The following EDARADD variants were observed in gnomAD, a reference collection of about 807,000 sequenced individuals.
EDARADD encodes ectodysplasin-A receptor-associated adapter protein.
Under a neutral mutation model 25.6 loss-of-function variants are expected in EDARADD, and 20 were observed. The observed-to-expected ratio is 0.78, with a 90% CI of 0.55 to 1.14. EDARADD has a LOEUF of 1.14. Ranked by LOEUF, EDARADD falls within the 50% of genes most tolerant of loss-of-function variation. The pLI is 0.00. For synonymous variants in EDARADD, 86 were observed against 94.4 expected, an observed-to-expected ratio of 0.91 and a Z score of 0.52; for missense variants, 225 against 270.1, an observed-to-expected ratio of 0.83 and a Z score of 1.17.
At position 236,446,493 on chromosome 1, in the gene EDARADD, A is replaced by T. The variant is rs573118936; in HGVS notation, c.219+19043A>T. On this transcript the variant is annotated intron_variant, in intron 4 of 5. Coordinates refer to ENST00000334232, the MANE Select transcript of EDARADD (RefSeq NM_145861.4). Reference sequence around the variant, plus strand: ...CTTGAACGCAGGAGGTGGAGGTTGCAGTGAGCCGAGATCGCACCACTGCAC... The same window carrying T: ...CTTGAACGCAGGAGGTGGAGGTTGCTGTGAGCCGAGATCGCACCACTGCAC... Among the ~76,000 whole-genome samples the T allele has an allele frequency of 3.9e-5, 6 of 152,150 alleles. No homozygotes were observed. In the South Asian group the frequency reaches 1.2e-3, roughly 32 times the overall value.
intron 5 of EDARADD, among the ~76,000 whole-genome samples, 186 bp downstream of exon 5, chr1:236,468,462 A>C (rs1659276153): frequency 6.6e-6 from 1 of 152,054 alleles, no homozygotes; most frequent in African/African-American, 2.4e-5. Context: ...CGTCTCTACC[A>C]AAAATACAAA....
At position 236,377,089 on chromosome 1, in the gene EDARADD, C is replaced by A. The variant is rs567800210; in HGVS notation, c.-6+26250C>A. Among the ~76,000 whole-genome samples the A allele has an allele frequency of 8.7e-5, 13 of 150,122 alleles. 1 individual carries two copies. The highest frequency in any genetic ancestry group is 2.9e-4 in the African/African-American group (12 of 41,142). ...CCCATTTGCTCTTTCATGCTACCTA[C>A]TCTATCCATTACAGCCCTTAACATA... On this transcript the variant is annotated intron_variant, in intron 3 of 7. Coordinates refer to the EDARADD transcript ENST00000439430.
At chr1:236,416,155 A>G (rs1657635894) in intron 3 of EDARADD, among the ~76,000 whole-genome samples, 1 of 152,200 alleles carries the variant, frequency 6.6e-6, no homozygotes, top group African/African-American at 2.4e-5. Context: ...TTCAGGTCTC[A>G]GGGTCTCTGT....
chr1:236,353,357 G>A (rs1666939134), intron 3 of EDARADD, among the ~76,000 whole-genome samples: 1 of 152,270 alleles, frequency 6.6e-6, no homozygotes, highest in African/African-American at 2.4e-5. Context: ...CTGTGCATGA[G>A]GTGACTGCTT....
chr1:236,452,784 G>A (rs2103027807), intron 4 of EDARADD, among the ~76,000 whole-genome samples: 1 of 152,182 alleles, frequency 6.6e-6, no homozygotes, highest in African/African-American at 2.4e-5. Context: ...ACCTCTCTGT[G>A]GAACATGTAC....
chr1:236,368,890 T>C (rs1427831854), intron 3 of EDARADD, among the ~76,000 whole-genome samples: 1 of 152,338 alleles, frequency 6.6e-6, no homozygotes, highest in East Asian at 1.9e-4. Context: ...GATCCAGCTA[T>C]GTATTTTTCT....
rs140456280 is a variant in EDARADD at position 236,378,064 on chromosome 1, ACT to A, written c.-6+27228_-6+27229del. Among the ~76,000 whole-genome samples the A allele has an allele frequency of 2.2e-4, 34 of 151,986 alleles. 2 individuals carry two copies. In the East Asian group the frequency reaches 5.4e-3, roughly 24 times the overall value. On this transcript the variant is annotated intron_variant, in intron 3 of 7. Coordinates refer to the EDARADD transcript ENST00000439430. The stretch of plus-strand genomic sequence containing the variant: ...CATCTCAGTCTTTTGTCAGCCTATG[ACT>A]CTGAACTGTGAACTTCACAAGTGTT...
At chr1:236,390,463 G>A (rs1211383482), upstream of EDARADD, among the ~76,000 whole-genome samples, 1 of 152,172 alleles carries the variant, frequency 6.6e-6, no homozygotes, top group Non-Finnish European at 1.5e-5. Context: ...TGAGGCAGGA[G>A]AATGGCGTGA....
At chr1:236,434,421 G>A (rs1243566207) in intron 4 of EDARADD, among the ~76,000 whole-genome samples, 1 of 151,996 alleles carries the variant, frequency 6.6e-6, no homozygotes, top group Admixed American at 6.6e-5. Flanking sequence ...TGGATTTTTA[G>A]TAGAGACGGG....
rs187119212 is a variant in EDARADD at position 236,464,951 on chromosome 1, C to G, written c.220-3280C>G. Among the ~76,000 whole-genome samples the G allele has an allele frequency of 2.8e-3, 430 of 152,208 alleles. 1 individual carries two copies. Among genetic ancestry groups the G allele is most frequent in the Admixed American group, 4.0e-3 (61 of 15,280 alleles). Reference sequence around the variant, plus strand: ...TCCTGCCCTGGCCTCTCCCAGGGACCAGGACCATGCATTCAGCTCCTGGGG... The same window carrying G: ...TCCTGCCCTGGCCTCTCCCAGGGACGAGGACCATGCATTCAGCTCCTGGGG... On this transcript the variant is annotated intron_variant, in intron 4 of 5. Transcript: ENST00000334232.
intron 3 of EDARADD, among the ~76,000 whole-genome samples, chr1:236,356,342 G>A (rs1438301483): frequency 6.6e-6 from 1 of 152,146 alleles, no homozygotes; most frequent in Non-Finnish European, 1.5e-5. Flanking sequence ...CCTATCAGAG[G>A]AGATGCACTG....
At chr1:236,394,634 T>A in intron 1 of EDARADD, 129 bp downstream of exon 1, 4 of 695,536 alleles carry the variant, frequency 5.8e-6, no homozygotes. Context: ...ACCCGACTTT[T>A]ATCTTTCTGT....
At chr1:236,477,178 A>G (rs1472029940) in intron 5 of EDARADD, among the ~76,000 whole-genome samples, 1 of 150,630 alleles carries the variant, frequency 6.6e-6, no homozygotes, top group Non-Finnish European at 1.5e-5. Flanking sequence ...TTTATTATAC[A>G]TGATTTACAG....
At chr1:236,480,125 A>C (rs1340009084) in intron 5 of EDARADD, among the ~76,000 whole-genome samples, 2 of 141,350 alleles carry the variant, frequency 1.4e-5, no homozygotes, top group African/African-American at 5.5e-5. Flanking sequence ...ATATATATAT[A>C]TATATATATA....
chr1:236,389,097 T>C (rs1276250674), intron 3 of EDARADD, among the ~76,000 whole-genome samples: 1 of 152,202 alleles, frequency 6.6e-6, no homozygotes, highest in Non-Finnish European at 1.5e-5. Context: ...TCTCAAAATC[T>C]GAAGCAAGAA....
At chr1:236,376,170 G>A (rs1667222103) in intron 3 of EDARADD, among the ~76,000 whole-genome samples, 1 of 152,008 alleles carries the variant, frequency 6.6e-6, no homozygotes, top group Non-Finnish European at 1.5e-5. Context: ...CCTGACCAAA[G>A]GTGATCCAGC....
chr1:236,372,407 T>C (rs1240051848), intron 3 of EDARADD, among the ~76,000 whole-genome samples: 1 of 152,248 alleles, frequency 6.6e-6, no homozygotes, highest in Non-Finnish European at 1.5e-5. Context: ...GTCTTGCATA[T>C]CTGGGCTAAA....
At chr1:236,354,519 C>A (rs555620474) in intron 3 of EDARADD, among the ~76,000 whole-genome samples, 2 of 152,148 alleles carry the variant, frequency 1.3e-5, no homozygotes, top group Non-Finnish European at 2.9e-5. Flanking sequence ...AAGTTACCAA[C>A]GAATGAAGGG....
upstream of EDARADD, among the ~76,000 whole-genome samples, chr1:236,391,213 T>C (rs1667423049): frequency 6.6e-6 from 1 of 152,106 alleles, no homozygotes; most frequent in South Asian, 2.1e-4. Context: ...AGGCTGTAAT[T>C]GAGTCATATT....
Sources: gnomAD v4.1 joint callset for allele counts (sites outside exome capture counted in the v4.1 genomes callset) on GRCh38, gnomAD v4.1.1 for gene constraint, MANE v1.5 for transcripts, NCBI Gene and HGNC (gene_info 2026-07-23, HGNC 2026-07-21) for gene names.